The following VAV3 variants were observed in gnomAD, a reference collection of about 807,000 sequenced individuals.
VAV3 encodes the protein vav guanine nucleotide exchange factor 3.
Under a neutral mutation model 131.2 loss-of-function variants are expected in VAV3, and 94 were observed. The ratio of observed to expected loss-of-function variants is 0.72; its 90% confidence interval spans 0.61 to 0.85. The LOEUF (loss-of-function observed/expected upper bound fraction) is 0.85. Ranked by LOEUF, VAV3 falls within the 40% of genes least tolerant of loss-of-function variation. The pLI, the probability that VAV3 is intolerant of heterozygous loss-of-function variation, is 0.00. For synonymous variants in VAV3, 349 were observed against 342.0 expected (o/e 1.02, Z -0.22); for missense variants, 939 against 1,002.7 (o/e 0.94, Z 0.86).
At chr1:107,656,943 CTTTTTTTTTTTT>C (rs57081639) in intron 19 of VAV3, among the ~76,000 whole-genome samples, 5 of 67,742 alleles carry the variant, frequency 7.4e-5, no homozygotes, top group African/African-American at 1.9e-4. Context: ...CAAGACAATC[CTTTTTTTTTTTT>C]TTTTTTTTTT....
At chr1:107,643,032 C>T (rs912232192) in intron 19 of VAV3, among the ~76,000 whole-genome samples, 6 of 152,120 alleles carry the variant, frequency 3.9e-5, no homozygotes. Flanking sequence ...TCTCCTTCAG[C>T]TGATGCCTGC....
At chr1:107,806,366 T>C (rs1396704909) in intron 2 of VAV3, among the ~76,000 whole-genome samples, 1 of 152,076 alleles carries the variant, frequency 6.6e-6, no homozygotes, top group African/African-American at 2.4e-5. Context: ...GGAGTGTCTT[T>C]ACTTCTCTGT....
intron 12 of VAV3, among the ~76,000 whole-genome samples, chr1:107,753,541 T>C (rs796504728): frequency 1.2e-4 from 11 of 89,718 alleles, no homozygotes; most frequent in East Asian, 3.8e-4. Flanking sequence ...TATATATATA[T>C]ATATATATAC....
chr1:107,638,858 C>A (rs1372083500), intron 20 of VAV3, among the ~76,000 whole-genome samples: 3 of 151,732 alleles, frequency 2.0e-5, no homozygotes, highest in African/African-American at 7.3e-5. Flanking sequence ...AAATAACAGT[C>A]CAGAAACAGA....
chr1:107,919,700 T>C (rs1672798006), intron 1 of VAV3, among the ~76,000 whole-genome samples: 1 of 152,138 alleles, frequency 6.6e-6, no homozygotes, highest in African/African-American at 2.4e-5. Context: ...GGTAAACATA[T>C]AAATACTAAC....
chr1:107,696,686 A>C (rs927592685), intron 17 of VAV3, among the ~76,000 whole-genome samples: 1 of 152,136 alleles, frequency 6.6e-6, no homozygotes, highest in Non-Finnish European at 1.5e-5. Flanking sequence ...ATCTATGTAA[A>C]CATTTGAGTT....
intron 19 of VAV3, among the ~76,000 whole-genome samples, chr1:107,661,152 C>T (rs1656982053): frequency 1.3e-5 from 2 of 152,188 alleles, no homozygotes; most frequent in African/African-American, 2.4e-5. Context: ...ATGTAGTTAA[C>T]TTTATAATAT....
chr1:107,700,327 C>T (rs1341654895), intron 17 of VAV3, among the ~76,000 whole-genome samples: 1 of 152,120 alleles, frequency 6.6e-6, no homozygotes, highest in African/African-American at 2.4e-5. Flanking sequence ...TTCCAGGGTA[C>T]ATGTGCAGGA....
chr1:107,940,012 C>T (rs535685379), intron 1 of VAV3, among the ~76,000 whole-genome samples: 1 of 152,186 alleles, frequency 6.6e-6, no homozygotes, highest in Non-Finnish European at 1.5e-5. Flanking sequence ...AGAGGCCAAG[C>T]AAGACGATTT....
intron 2 of VAV3, among the ~76,000 whole-genome samples, chr1:107,814,212 T>G (rs1667466201): frequency 6.6e-6 from 1 of 152,174 alleles, no homozygotes; most frequent in Admixed American, 6.5e-5. Flanking sequence ...GTTCTATTTT[T>G]GGGGAAATCT....
At chr1:107,753,552 A>ACACC (rs1663913956) in intron 12 of VAV3, among the ~76,000 whole-genome samples, 2 of 139,034 alleles carry the variant, frequency 1.4e-5, no homozygotes, top group Admixed American at 1.5e-4. Flanking sequence ...ATATATATAC[A>ACACC]CACACACACT....
At chr1:107,845,441 A>G (rs1400156657) in intron 2 of VAV3, among the ~76,000 whole-genome samples, 5 of 152,222 alleles carry the variant, frequency 3.3e-5, no homozygotes, top group Non-Finnish European at 7.3e-5. Context: ...AACTGGAAAG[A>G]GAATGAGTTT....
At chr1:107,630,253 T>C (rs1360266689) in intron 20 of VAV3, among the ~76,000 whole-genome samples, 2 of 152,170 alleles carry the variant, frequency 1.3e-5, no homozygotes, top group Non-Finnish European at 2.9e-5. Context: ...AGTTTCTGGT[T>C]CTCCCAACAT....
intron 2 of VAV3, among the ~76,000 whole-genome samples, chr1:107,805,425 A>G (rs1315904742): frequency 2.0e-5 from 3 of 152,062 alleles, no homozygotes; most frequent in African/African-American, 7.2e-5. Context: ...CCTCTGCCTG[A>G]GCAATTGTGC....
intron 1 of VAV3, among the ~76,000 whole-genome samples, chr1:107,877,576 C>T (rs1670564310): frequency 1.3e-5 from 2 of 152,186 alleles, no homozygotes; most frequent in Admixed American, 1.3e-4. Flanking sequence ...TTCTGGAATT[C>T]ATCTTAAACT....
intron 2 of VAV3, among the ~76,000 whole-genome samples, chr1:107,829,149 A>G (rs574321712): frequency 2.3e-4 from 35 of 152,312 alleles, no homozygotes. Flanking sequence ...AAACTAAATG[A>G]TTTGTGAAAA....
chr1:107,743,487 T>C (rs916879658), intron 15 of VAV3, among the ~76,000 whole-genome samples: 1 of 152,160 alleles, frequency 6.6e-6, no homozygotes, highest in African/African-American at 2.4e-5. Flanking sequence ...TATCAAGAGT[T>C]CAGTCCTGAA....
intron 2 of VAV3, 61 bp downstream of exon 2, chr1:107,874,840 G>A: frequency 2.1e-6 from 3 of 1,447,872 alleles, no homozygotes; most frequent in Non-Finnish European, 2.9e-6. Flanking sequence ...TTCAAGATTT[G>A]AAACAATTTG....
chr1:107,821,943 T>G lies in VAV3; in HGVS notation c.322-42451A>C, dbSNP rs1225323280. 1.2e-4 allele frequency among the ~76,000 whole-genome samples: 19 copies of G among 152,186 alleles called. 1 individual carries two copies. Among genetic ancestry groups the G allele is most frequent in the Admixed American group, 1.0e-3 (16 of 15,282 alleles). ...GCCTTTAAGTGTACTGCTTTGCTTT[T>G]GGAGCAGAAAGTGGGCACTTTTAAA... is the stretch of plus-strand genomic sequence containing the variant. On this transcript the variant is annotated intron_variant, in intron 2 of 26. Transcript: ENST00000370056.
Sources: gnomAD v4.1 joint callset for allele counts (sites outside exome capture counted in the v4.1 genomes callset) on GRCh38, gnomAD v4.1.1 for gene constraint, MANE v1.5 for transcripts, NCBI Gene and HGNC (gene_info 2026-07-23, HGNC 2026-07-21) for gene names.